CHODL: variants seen among roughly 807,000 people sequenced by gnomAD.
CHODL encodes the protein transmembrane protein MT75.
CHODL carries 29 observed loss-of-function variants against 34.5 expected under a neutral mutation model. The ratio of observed to expected loss-of-function variants is 0.84; its 90% CI spans 0.63 to 1.15. The LOEUF (loss-of-function observed/expected upper bound fraction) is 1.15. CHODL is among the 50% of genes most tolerant of loss of function. CHODL has a pLI of 0.00. For missense variants in CHODL, 332 were observed against 332.5 expected (o/e 1.00, Z 0.01); for synonymous variants, 125 against 116.1 (o/e 1.08, Z -0.49).
chr21:18,182,403 C>T (rs115593789), intron 2 of CHODL, among the ~76,000 whole-genome samples: 140 of 152,258 alleles, frequency 9.2e-4, no homozygotes, highest in African/African-American at 3.3e-3. Context: ...AAACATTAGC[C>T]GGTAACTATG....
At chr21:18,098,099 A>C (rs1270517640) in intron 2 of CHODL, among the ~76,000 whole-genome samples, 2 of 152,124 alleles carry the variant, frequency 1.3e-5, no homozygotes, top group Non-Finnish European at 2.9e-5. Flanking sequence ...AAGACCTCAG[A>C]CTATAAAAAT....
At chr21:18,172,287 G>A (rs909210140) in intron 2 of CHODL, among the ~76,000 whole-genome samples, 1 of 152,190 alleles carries the variant, frequency 6.6e-6, no homozygotes, top group African/African-American at 2.4e-5. Context: ...CAGTGAGTGA[G>A]CTCTGAACCA....
chr21:18,032,948 T>A (rs2064264877), intron 2 of CHODL, among the ~76,000 whole-genome samples: 1 of 152,004 alleles, frequency 6.6e-6, no homozygotes, highest in Non-Finnish European at 1.5e-5. Context: ...AACGTAGCAG[T>A]GAACAAAAGG....
At chr21:18,169,558 A>G (rs907744000) in intron 2 of CHODL, among the ~76,000 whole-genome samples, 3 of 152,034 alleles carry the variant, frequency 2.0e-5, no homozygotes, top group African/African-American at 4.8e-5. Context: ...ATGATTCAAA[A>G]TACAACTTCT....
intron 2 of CHODL, among the ~76,000 whole-genome samples, chr21:18,051,887 T>C (rs1011562792): frequency 9.9e-5 from 15 of 151,952 alleles, no homozygotes; most frequent in African/African-American, 3.6e-4. Flanking sequence ...TTATTTTTAA[T>C]GAAAGTAATT....
chr21:17,997,586 T>G (rs912378725), intron 1 of CHODL, among the ~76,000 whole-genome samples: 1 of 152,204 alleles, frequency 6.6e-6, no homozygotes. Flanking sequence ...AAAAAAGGTT[T>G]AGTTGAACTT....
intron 2 of CHODL, among the ~76,000 whole-genome samples, chr21:18,131,435 A>C (rs1400237681): frequency 2.0e-5 from 3 of 152,174 alleles, no homozygotes; most frequent in Non-Finnish European, 4.4e-5. Context: ...TTTGGTATAC[A>C]TTTCAATTTA....
intron 1 of CHODL, among the ~76,000 whole-genome samples, chr21:17,999,194 A>G (rs1367543416): frequency 6.6e-6 from 1 of 152,232 alleles, no homozygotes; most frequent in African/African-American, 2.4e-5. Flanking sequence ...AAACATAACA[A>G]GAATCACCTT....
chr21:18,167,255 GTATT>G (rs2073168639), intron 2 of CHODL, among the ~76,000 whole-genome samples: 1 of 133,254 alleles, frequency 7.5e-6, no homozygotes, highest in African/African-American at 2.8e-5. Flanking sequence ...GTGTGTGTGT[GTATT>G]TTGGAAGAAG....
intron 3 of CHODL, among the ~76,000 whole-genome samples, chr21:18,257,475 A>T (rs546657639): frequency 2.0e-5 from 3 of 152,346 alleles, no homozygotes; most frequent in East Asian, 3.9e-4. Context: ...AGTAGATGTA[A>T]GTTACCAAAG....
chr21:17,932,518 G>T (rs1012919975), intron 1 of CHODL, among the ~76,000 whole-genome samples: 2 of 152,176 alleles, frequency 1.3e-5, no homozygotes, highest in Admixed American at 6.5e-5. Flanking sequence ...TATGTTTATT[G>T]TGACACTATT....
chr21:18,200,571 T>G (rs1371286156), intron 2 of CHODL, among the ~76,000 whole-genome samples: 6 of 152,184 alleles, frequency 3.9e-5, no homozygotes, highest in African/African-American at 1.4e-4. Context: ...TTCTCACAGA[T>G]TGCATACATT....
chr21:17,996,709 A>G lies in CHODL; in HGVS notation c.-144-31163A>G, dbSNP rs145800111. ...GGATTTTATCTTGAATATGAAAAGG[A>G]ACTTTTTAATAATAAACACTCTTCA... On this transcript the variant is annotated intron_variant, in intron 1 of 6. Transcript: ENST00000400127. Among the ~76,000 whole-genome samples, 842 of 152,338 alleles carry G rather than the reference A, an allele frequency of 5.5e-3. 8 individuals carry two copies. The highest frequency in any genetic ancestry group is 0.013 in the African/African-American group (553 of 41,570).
intron 2 of CHODL, among the ~76,000 whole-genome samples, chr21:18,128,002 A>C (rs964955790): frequency 2.6e-5 from 4 of 152,164 alleles, no homozygotes; most frequent in Admixed American, 2.0e-4. Flanking sequence ...AAATCTACAC[A>C]TTCAAGAATC....
At chr21:18,168,025 C>T (rs2073178752) in intron 2 of CHODL, among the ~76,000 whole-genome samples, 1 of 152,160 alleles carries the variant, frequency 6.6e-6, no homozygotes, top group Admixed American at 6.5e-5. Context: ...TTCTGGCCTC[C>T]ATCTTTCTCC....
At position 18,135,182 on chromosome 21, in the gene CHODL, C is replaced by T. The variant is rs577609341; in HGVS notation, c.-45+107211C>T. On this transcript the variant is annotated intron_variant, in intron 2 of 6. Coordinates refer to the CHODL transcript ENST00000400127. The stretch of plus-strand genomic sequence containing the variant: ...GATTACAGTCTTTTATTATTATATA[C>T]GAGGAAAATTCTATTTCATCCTGTT... 9.9e-5 allele frequency among the ~76,000 whole-genome samples: 15 copies of T among 152,220 alleles called. No homozygotes were observed. In the South Asian group the frequency reaches 1.7e-3, roughly 17 times the overall value.
At position 18,023,488 on chromosome 21, in the gene CHODL, G is replaced by A. The variant is rs148428560; in HGVS notation, c.-144-4384G>A. On this transcript the variant is annotated intron_variant, in intron 1 of 6. Coordinates refer to the CHODL transcript ENST00000400127. ...GAGCTTGGGTAACAAAAAGGATGTC[G>A]CGAACCCAATCAGGAATGAAGGGCA... Among the ~76,000 whole-genome samples, 846 of 152,078 alleles carry A rather than the reference G, an allele frequency of 5.6e-3. 8 individuals carry two copies. Among genetic ancestry groups the A allele is most frequent in the Admixed American group, 9.3e-3 (142 of 15,258 alleles).
chr21:18,186,794 T>G (rs1309207352), intron 2 of CHODL, among the ~76,000 whole-genome samples: 1 of 152,228 alleles, frequency 6.6e-6, no homozygotes, highest in East Asian at 1.9e-4. Context: ...TGAAATCACC[T>G]TCTACCTGGT....
intron 2 of CHODL, among the ~76,000 whole-genome samples, chr21:18,068,073 A>C (rs1318264233): frequency 1.3e-5 from 2 of 152,042 alleles, no homozygotes; most frequent in South Asian, 4.1e-4. Context: ...TATTTTTATA[A>C]ATAAAATAAA....
Sources: gnomAD v4.1 joint callset for allele counts (sites outside exome capture counted in the v4.1 genomes callset) on GRCh38, gnomAD v4.1.1 for gene constraint, MANE v1.5 for transcripts, NCBI Gene and HGNC (gene_info 2026-07-23, HGNC 2026-07-21) for gene names.